DECR1: variants seen among roughly 807,000 people sequenced by gnomAD.
DECR1 encodes the protein 2,4-dienoyl-CoA reductase 1.
Under a neutral mutation model 38.8 loss-of-function variants are expected in DECR1, and 44 were observed. That is an observed-to-expected ratio of 1.13 (90% CI 0.89 to 1.46). The LOEUF (loss-of-function observed/expected upper bound fraction) is 1.46. DECR1 is among the 40% of genes most tolerant of loss of function. The pLI, the probability that DECR1 is intolerant of heterozygous loss-of-function variation, is 0.00. For synonymous variants in DECR1, 148 were observed against 135.2 expected, an observed-to-expected ratio of 1.09 and a Z score of -0.66; for missense variants, 428 against 405.5, an observed-to-expected ratio of 1.06 and a Z score of -0.48.
At chr8:90,004,078 A>T (rs1812683797) in intron 1 of DECR1, among the ~76,000 whole-genome samples, 1 of 152,128 alleles carries the variant, frequency 6.6e-6, no homozygotes, top group Non-Finnish European at 1.5e-5. Context: ...TATCATGCAC[A>T]CTGCCATGTT....
At chr8:90,044,408 G>C (rs1176371506) in intron 7 of DECR1, among the ~76,000 whole-genome samples, 3 of 152,094 alleles carry the variant, frequency 2.0e-5, no homozygotes, top group Non-Finnish European at 4.4e-5. Context: ...GAATCTAATT[G>C]AATTTCTACC....
chr8:90,025,700 G>C (rs1462562454), intron 5 of DECR1, among the ~76,000 whole-genome samples: 4 of 152,094 alleles, frequency 2.6e-5, no homozygotes, highest in African/African-American at 7.2e-5. Context: ...TTTCCTAATT[G>C]AATATCCCTT....
At chr8:90,005,639 G>A in intron 1 of DECR1, 1 of 359,078 alleles carries the variant, frequency 2.8e-6, no homozygotes, top group South Asian at 2.1e-5. Context: ...CATACCCAAC[G>A]ATCCTGTCAA....
At chr8:90,018,636 T>A in intron 2 of DECR1, 2 of 323,262 alleles carry the variant, frequency 6.2e-6, no homozygotes, top group Non-Finnish European at 1.2e-5. Flanking sequence ...ATATTTTCTT[T>A]GTAAACCTGG....
At chr8:90,025,375 G>C (rs1473439227) in intron 5 of DECR1, among the ~76,000 whole-genome samples, 1 of 152,132 alleles carries the variant, frequency 6.6e-6, no homozygotes. Context: ...TCTTCCATTT[G>C]TTTGTGTCCT....
At chr8:90,005,962 T>G in intron 1 of DECR1, 2 of 503,066 alleles carry the variant, frequency 4.0e-6, no homozygotes, top group Admixed American at 3.3e-5. Context: ...GAGAGGGTGT[T>G]GGGAGGTGCC....
At chr8:90,005,420 C>G (rs1291695282) in intron 1 of DECR1, 5 of 456,016 alleles carry the variant, frequency 1.1e-5, no homozygotes, top group African/African-American at 1.0e-4. Flanking sequence ...GGATGGGATC[C>G]CAAATAAATA....
At chr8:90,004,137 A>G (rs184022716) in intron 1 of DECR1, among the ~76,000 whole-genome samples, 172 of 152,154 alleles carry the variant, frequency 1.1e-3, no homozygotes, top group Admixed American at 2.2e-3. Flanking sequence ...AACCTGATCA[A>G]CATGGTGAAA....
intron 1 of DECR1, chr8:90,003,060 G>A (rs1366497110): frequency 6.6e-6 from 1 of 152,138 alleles, no homozygotes; most frequent in Non-Finnish European, 1.5e-5. Flanking sequence ...TTCCTTTGCT[G>A]AAGAAAAATA....
chr8:90,001,549 C>A lies in DECR1; in HGVS notation c.57C>A (p.Leu19=), dbSNP rs1394284227. ...TGGGGTCCCGGCTGCCCTGTGGCCT[C>A]GCTCCTCGGAGGGTAAGGCGGCCGG... ...FTLGSRLPCG[L]APRRFFSYGT... The change falls in exon 1 of 10, where the codon CTC becomes CTA. Residue 19 remains leucine (L), a synonymous_variant. Transcript: ENST00000220764. 1.2e-6 allele frequency: 2 copies of A among 1,613,326 alleles called. No homozygotes were observed. The highest frequency in any genetic ancestry group is 2.7e-5 in the African/African-American group (2 of 75,026).
chr8:90,042,876 G>A, intron 7 of DECR1, 76 bp downstream of exon 7: 1 of 1,306,308 alleles, frequency 7.7e-7, no homozygotes, highest in Non-Finnish European at 1.1e-6. Context: ...TCTGGTTGTT[G>A]TGTAAAGGAC....
rs1813082620 is a variant in DECR1 at position 90,019,078 on chromosome 8, T to C, written c.331-8T>C. 1 of 1,613,524 alleles carries C rather than the reference T, an allele frequency of 6.2e-7. No individual in the cohort carries two copies. The highest frequency in any genetic ancestry group is 8.5e-7 in the Non-Finnish European group (1 of 1,179,456). On this transcript the variant is annotated splice_polypyrimidine_tract_variant and splice_region_variant and intron_variant, in intron 3 of 9. Coordinates refer to ENST00000220764, the MANE Select transcript of DECR1 (RefSeq NM_001359.2). ...GGAAAATGTCATATTCTTTTTGTTATTTTGCAGGTTCATGCAATTCAGTGT... is the reference window on the plus strand; with the variant it reads ...GGAAAATGTCATATTCTTTTTGTTACTTTGCAGGTTCATGCAATTCAGTGT...
intron 5 of DECR1, among the ~76,000 whole-genome samples, chr8:90,034,763 A>G (rs1469891619): frequency 6.6e-6 from 1 of 152,132 alleles, no homozygotes; most frequent in Non-Finnish European, 1.5e-5. Context: ...TATTCAGTTA[A>G]TTTATTGAGA....
At chr8:90,051,501 GA>G (rs1454008681) in intron 8 of DECR1, among the ~76,000 whole-genome samples, 175 bp from the exon 9 acceptor site, 2 of 152,104 alleles carry the variant, frequency 1.3e-5, no homozygotes, top group Non-Finnish European at 2.9e-5. Context: ...GTTAGAAATA[GA>G]ATTATAAACT....
chr8:90,048,863 T>G (rs1295746618), intron 8 of DECR1, among the ~76,000 whole-genome samples: 1 of 152,238 alleles, frequency 6.6e-6, no homozygotes, highest in Admixed American at 6.5e-5. Context: ...GCCTCATCCC[T>G]GGGATGCAAG....
At chr8:90,026,151 G>T (rs7464596) in intron 5 of DECR1, among the ~76,000 whole-genome samples, 1 of 152,058 alleles carries the variant, frequency 6.6e-6, no homozygotes, top group African/African-American at 2.4e-5. Flanking sequence ...ATTTTTGCAT[G>T]GATGTTCATC....
chr8:90,016,374 T>C (rs1490525497), intron 1 of DECR1, among the ~76,000 whole-genome samples: 1 of 152,144 alleles, frequency 6.6e-6, no homozygotes, highest in Non-Finnish European at 1.5e-5. Flanking sequence ...TGGTGGCTCA[T>C]GCCTGTAATC....
intron 5 of DECR1, among the ~76,000 whole-genome samples, chr8:90,031,610 A>G (rs887730841): frequency 3.3e-5 from 5 of 152,080 alleles, no homozygotes; most frequent in African/African-American, 9.7e-5. Flanking sequence ...AGAATTAAGG[A>G]TTTTTAGATT....
intron 1 of DECR1, among the ~76,000 whole-genome samples, chr8:90,002,941 A>C (rs1812652100): frequency 6.6e-6 from 1 of 152,240 alleles, no homozygotes; most frequent in Non-Finnish European, 1.5e-5. Context: ...TTGTAGCAAT[A>C]AGGTCATACA....
Sources: gnomAD v4.1 joint callset for allele counts (sites outside exome capture counted in the v4.1 genomes callset) on GRCh38, gnomAD v4.1.1 for gene constraint, MANE v1.5 for transcripts, NCBI Gene and HGNC (gene_info 2026-07-23, HGNC 2026-07-21) for gene names.